PTPRD: variants seen among roughly 807,000 people sequenced by gnomAD.
The protein encoded by PTPRD is protein tyrosine phosphatase receptor type D, also known as receptor-type tyrosine-protein phosphatase delta.
A neutral mutation model predicts 214.5 loss-of-function variants in PTPRD; 34 were observed. That is an observed-to-expected ratio of 0.16 (90% CI 0.12 to 0.21). The LOEUF is 0.21. Among genes scored for constraint, PTPRD ranks in the 10% least tolerant of loss-of-function variants. The pLI, the probability that PTPRD is intolerant of heterozygous loss-of-function variation, is 1.00. For missense variants in PTPRD, 2,545 were observed against 2,398.7 expected, an observed-to-expected ratio of 1.06 and a Z score of -1.27; for synonymous variants, 1,128 against 845.7, an observed-to-expected ratio of 1.33 and a Z score of -5.79.
At chr9:10,298,232 C>G (rs1161173916) in intron 3 of PTPRD, among the ~76,000 whole-genome samples, 1 of 152,096 alleles carries the variant, frequency 6.6e-6, no homozygotes, top group Non-Finnish European at 1.5e-5. Context: ...GGGAATGTAA[C>G]TGCTTGTTCC....
intron 5 of PTPRD, among the ~76,000 whole-genome samples, chr9:9,836,879 C>T (rs1452047333): frequency 6.6e-6 from 1 of 152,116 alleles, no homozygotes; most frequent in African/African-American, 2.4e-5. Flanking sequence ...ACTACCATAT[C>T]AAGAGGTAGA....
At chr9:8,813,614 C>T (rs1011662704) in intron 11 of PTPRD, among the ~76,000 whole-genome samples, 1 of 152,164 alleles carries the variant, frequency 6.6e-6, no homozygotes, top group African/African-American at 2.4e-5. Context: ...CTAAAGCAAT[C>T]CTCCCGCCTC....
chr9:10,223,085 T>C (rs1594671176), intron 3 of PTPRD, among the ~76,000 whole-genome samples: 1 of 151,944 alleles, frequency 6.6e-6, no homozygotes, highest in East Asian at 1.9e-4. Flanking sequence ...TCTCTTTTCA[T>C]TGTTTCTGCT....
At chr9:9,123,515 T>C (rs1433088203) in intron 10 of PTPRD, among the ~76,000 whole-genome samples, 2 of 152,172 alleles carry the variant, frequency 1.3e-5, no homozygotes, top group Non-Finnish European at 1.5e-5. Context: ...CTGCCTCAGC[T>C]ACATACAATC....
chr9:9,099,820 C>T (rs888294689), intron 10 of PTPRD, among the ~76,000 whole-genome samples: 4 of 152,116 alleles, frequency 2.6e-5, no homozygotes, highest in Non-Finnish European at 5.9e-5. Context: ...GTGACATCTA[C>T]AGCTGAGATC....
intron 4 of PTPRD, among the ~76,000 whole-genome samples, chr9:9,975,220 C>A (rs2095309592): frequency 6.6e-6 from 1 of 152,162 alleles, no homozygotes; most frequent in African/African-American, 2.4e-5. Flanking sequence ...TTACCATATC[C>A]ATGGACTCCT....
intron 7 of PTPRD, among the ~76,000 whole-genome samples, chr9:9,633,474 T>G (rs12380707): frequency 0.2 from 29,872 of 152,050 alleles, 3,564 homozygotes; most frequent in African/African-American, 0.34. Context: ...ATATATTAAT[T>G]CCTTGCATTG....
At chr9:9,506,091 G>T (rs1182123346) in intron 8 of PTPRD, among the ~76,000 whole-genome samples, 2 of 151,428 alleles carry the variant, frequency 1.3e-5, no homozygotes, top group Non-Finnish European at 3.0e-5. Flanking sequence ...TTTAAGTGAT[G>T]GAAAACCAGG....
At chr9:8,662,303 A>AAAACAAACAAAC in intron 12 of PTPRD, among the ~76,000 whole-genome samples, 1 of 152,056 alleles carries the variant, frequency 6.6e-6, no homozygotes, top group East Asian at 1.9e-4. Flanking sequence ...GCTATGTTGG[A>AAAACAAACAAAC]AAACAAACAA....
intron 7 of PTPRD, among the ~76,000 whole-genome samples, chr9:9,688,199 C>T (rs1049763331): frequency 6.6e-6 from 1 of 151,820 alleles, no homozygotes; most frequent in African/African-American, 2.4e-5. Flanking sequence ...ATCTTTATAG[C>T]AGTGTATAAA....
At chr9:9,903,009 GT>G (rs2076753791) in intron 5 of PTPRD, among the ~76,000 whole-genome samples, 1 of 152,010 alleles carries the variant, frequency 6.6e-6, no homozygotes, top group African/African-American at 2.4e-5. Flanking sequence ...TTTTACCTGA[GT>G]GAAAAACATC....
intron 9 of PTPRD, among the ~76,000 whole-genome samples, chr9:9,346,945 G>C (rs140693845): frequency 6.6e-6 from 1 of 151,958 alleles, no homozygotes; most frequent in Non-Finnish European, 1.5e-5. Context: ...CGCCCACCTC[G>C]GCCTTCTAAA....
At chr9:10,194,335 TATATATATATAGAGAG>T (rs1266654069) in intron 3 of PTPRD, among the ~76,000 whole-genome samples, 2 of 66,430 alleles carry the variant, frequency 3.0e-5, no homozygotes, top group African/African-American at 5.9e-5. Flanking sequence ...TATATATATA[TATATATATATAGAGAG>T]AGAGAGAGAG....
At chr9:10,198,911 G>A (rs1161821768) in intron 3 of PTPRD, among the ~76,000 whole-genome samples, 1 of 151,986 alleles carries the variant, frequency 6.6e-6, no homozygotes, top group Admixed American at 6.6e-5. Flanking sequence ...AGAGGCTTAG[G>A]GGTCACTTTT....
At chr9:8,445,545 T>C (rs1322348023) in intron 34 of PTPRD, among the ~76,000 whole-genome samples, 1 of 152,170 alleles carries the variant, frequency 6.6e-6, no homozygotes, top group Non-Finnish European at 1.5e-5. Context: ...AAATGATAAA[T>C]GTTCCCGTAT....
chr9:10,088,213 A>C (rs1238429744), intron 3 of PTPRD, among the ~76,000 whole-genome samples: 1 of 151,796 alleles, frequency 6.6e-6, no homozygotes, highest in Non-Finnish European at 1.5e-5. Context: ...ATGACAATCC[A>C]CAAAATGAAC....
intron 2 of PTPRD, among the ~76,000 whole-genome samples, chr9:10,554,386 T>G (rs188380412): frequency 6.6e-6 from 1 of 152,120 alleles, no homozygotes; most frequent in African/African-American, 2.4e-5. Context: ...TCTTCTTAGC[T>G]CCATACTTTT....
At chr9:9,268,312 G>A (rs1331078628) in intron 9 of PTPRD, among the ~76,000 whole-genome samples, 1 of 150,634 alleles carries the variant, frequency 6.6e-6, no homozygotes, top group Non-Finnish European at 1.5e-5. Flanking sequence ...AACTAGGGAG[G>A]TAAAAGATCT....
At chr9:8,393,111 G>A (rs2090118924) in intron 36 of PTPRD, among the ~76,000 whole-genome samples, 1 of 152,084 alleles carries the variant, frequency 6.6e-6, no homozygotes, top group South Asian at 2.1e-4. Flanking sequence ...CTGGGAGGCT[G>A]GATCTAACAT....
Sources: gnomAD v4.1 joint callset for allele counts (sites outside exome capture counted in the v4.1 genomes callset) on GRCh38, gnomAD v4.1.1 for gene constraint, MANE v1.5 for transcripts, NCBI Gene and HGNC (gene_info 2026-07-23, HGNC 2026-07-21) for gene names.